CALN1: variants seen among roughly 807,000 people sequenced by gnomAD.
CALN1 encodes calneuron 1.
CALN1 carries 17 observed loss-of-function variants against 30.6 expected under a neutral mutation model. The observed-to-expected ratio is 0.56, with a 90% confidence interval of 0.38 to 0.83. The LOEUF (loss-of-function observed/expected upper bound fraction) is 0.83. CALN1 is among the 40% of genes least tolerant of loss of function. CALN1 has a pLI of 0.00. For synonymous variants in CALN1, 156 were observed against 131.4 expected (o/e 1.19, Z -1.28); for missense variants, 291 against 354.9 (o/e 0.82, Z 1.45).
intron 5 of CALN1, among the ~76,000 whole-genome samples, chr7:71,887,862 T>C (rs1562873551): frequency 6.6e-6 from 1 of 152,210 alleles, no homozygotes; most frequent in East Asian, 1.9e-4. Flanking sequence ...CAGTGAATGC[T>C]GCTACCGAGA....
At chr7:72,324,449 C>A (rs900157276) in intron 2 of CALN1, among the ~76,000 whole-genome samples, 1 of 151,988 alleles carries the variant, frequency 6.6e-6, no homozygotes, top group South Asian at 2.1e-4. Flanking sequence ...TTGCATTTAC[C>A]TTCCCTCCTA....
intron 5 of CALN1, among the ~76,000 whole-genome samples, chr7:71,999,589 C>T (rs1412599251): frequency 6.6e-6 from 1 of 151,886 alleles, no homozygotes; most frequent in Admixed American, 6.6e-5. Context: ...TCTTGGCTCA[C>T]TTGCAACCTC....
intron 3 of CALN1, among the ~76,000 whole-genome samples, chr7:72,115,176 T>C (rs1427556832): frequency 5.7e-5 from 5 of 87,026 alleles, no homozygotes; most frequent in Non-Finnish European, 1.1e-4. Flanking sequence ...TACTGTATAG[T>C]ATATATTATA....
At chr7:72,023,843 C>T in intron 4 of CALN1, 74 bp from the exon 5 acceptor site, 3 of 1,015,494 alleles carry the variant, frequency 3.0e-6, no homozygotes, top group East Asian at 2.4e-5. Context: ...CAATAAACAC[C>T]TCTACGCTTT....
chr7:71,928,833 A>ACCAG (rs2129519994), intron 5 of CALN1, among the ~76,000 whole-genome samples: 1 of 152,032 alleles, frequency 6.6e-6, no homozygotes, highest in African/African-American at 2.4e-5. Context: ...GGAGCTCCAG[A>ACCAG]CCAGCCAACG....
At chr7:71,827,771 T>TAAAAAAAAA (rs1554347602) in intron 5 of CALN1, among the ~76,000 whole-genome samples, 2 of 96,842 alleles carry the variant, frequency 2.1e-5, no homozygotes, top group African/African-American at 6.7e-5. Flanking sequence ...GACTCCATCT[T>TAAAAAAAAA]AAAAAAATAA....
At chr7:71,810,276 G>T (rs1470059062) in intron 6 of CALN1, 60 bp downstream of exon 6, 16 of 1,544,384 alleles carry the variant, frequency 1.0e-5, no homozygotes, top group Non-Finnish European at 1.3e-5. Context: ...TTTTCATATA[G>T]AGAGTGTGGT....
At chr7:71,801,403 T>C (rs996530318) in intron 6 of CALN1, among the ~76,000 whole-genome samples, 1 of 131,756 alleles carries the variant, frequency 7.6e-6, no homozygotes, top group East Asian at 2.2e-4. Context: ...TATGTATGTA[T>C]GTATGTATGT....
chr7:71,815,876 C>G (rs1161761325), intron 5 of CALN1, among the ~76,000 whole-genome samples: 2 of 141,372 alleles, frequency 1.4e-5, no homozygotes, highest in East Asian at 4.6e-4. Flanking sequence ...CCTTCCTTCC[C>G]TCCTTCCTCT....
chr7:71,798,957 T>G (rs1787136880), intron 6 of CALN1, among the ~76,000 whole-genome samples: 1 of 152,034 alleles, frequency 6.6e-6, no homozygotes, highest in African/African-American at 2.4e-5. Flanking sequence ...ATACCCCCAA[T>G]GTGGGCAGTG....
intron 3 of CALN1, among the ~76,000 whole-genome samples, chr7:72,179,529 T>C (rs555617873): frequency 2.0e-5 from 3 of 152,284 alleles, no homozygotes; most frequent in African/African-American, 7.2e-5. Context: ...ATGTAACTTA[T>C]CATCATGAAA....
At chr7:71,873,001 ATTTTTTT>A (rs371153112) in intron 5 of CALN1, among the ~76,000 whole-genome samples, 2 of 115,618 alleles carry the variant, frequency 1.7e-5, no homozygotes, top group Non-Finnish European at 3.4e-5. Flanking sequence ...GTTTGTGACA[ATTTTTTT>A]TTTTTTTTTT....
At chr7:72,357,508 C>A (rs1803306030) in intron 2 of CALN1, among the ~76,000 whole-genome samples, 1 of 151,862 alleles carries the variant, frequency 6.6e-6, no homozygotes, top group South Asian at 2.1e-4. Context: ...CACCCCCAAC[C>A]CATCCCTAAT....
At chr7:72,337,430 A>G (rs1352844477) in intron 2 of CALN1, among the ~76,000 whole-genome samples, 1 of 152,008 alleles carries the variant, frequency 6.6e-6, no homozygotes, top group African/African-American at 2.4e-5. Context: ...GCGCACACAC[A>G]CACACACACA....
At chr7:72,194,746 C>T (rs894209103) in intron 3 of CALN1, among the ~76,000 whole-genome samples, 1 of 151,702 alleles carries the variant, frequency 6.6e-6, no homozygotes, top group Non-Finnish European at 1.5e-5. Context: ...TGCCAGCCAC[C>T]ACGGCCAGCT....
At chr7:72,192,140 T>G (rs749746212) in intron 3 of CALN1, among the ~76,000 whole-genome samples, 2 of 152,132 alleles carry the variant, frequency 1.3e-5, no homozygotes, top group Non-Finnish European at 2.9e-5. Context: ...TCATACAGCA[T>G]TATTTACATA....
chr7:72,351,493 T>A (rs1802913928), intron 2 of CALN1, among the ~76,000 whole-genome samples: 1 of 152,196 alleles, frequency 6.6e-6, no homozygotes, highest in South Asian at 2.1e-4. Context: ...ACAAAAATAT[T>A]ACCCAATGCA....
chr7:72,425,616 T>C (rs936977076), intron 1 of CALN1, among the ~76,000 whole-genome samples: 22 of 152,236 alleles, frequency 1.4e-4, no homozygotes, highest in African/African-American at 5.3e-4. Flanking sequence ...TTGCAGCTAA[T>C]GTTGATTGAC....
intron 3 of CALN1, among the ~76,000 whole-genome samples, chr7:72,269,200 G>A (rs771430985): frequency 1.3e-5 from 2 of 152,140 alleles, no homozygotes; most frequent in Admixed American, 1.3e-4. Context: ...CCAGATGCAA[G>A]GTGAGATTTT....
Sources: allele counts gnomAD v4.1 joint callset (sites outside exome capture counted in the v4.1 genomes callset), GRCh38; gene constraint gnomAD v4.1.1; transcripts MANE v1.5; gene names NCBI Gene and HGNC (gene_info 2026-07-23, HGNC 2026-07-21).